MIA3: variants seen among roughly 807,000 people sequenced by gnomAD.
The protein encoded by MIA3 is transport and Golgi organization protein 1 homolog.
MIA3 carries 90 observed loss-of-function variants against 192.4 expected under a neutral mutation model. The observed-to-expected ratio is 0.47, with a 90% CI of 0.39 to 0.56. The LOEUF (loss-of-function observed/expected upper bound fraction) is 0.56. Among genes scored for constraint, MIA3 ranks in the 20% least tolerant of loss-of-function variants. The probability of loss-of-function intolerance (pLI) is 0.00; values close to 1 mark genes in which losing one functional copy is unlikely to be tolerated. For synonymous variants in MIA3, 740 were observed against 792.8 expected (o/e 0.93, Z 1.12); for missense variants, 2,123 against 2,269.4 (o/e 0.94, Z 1.31).
Position 222,652,048 on chromosome 1 carries a change from G to A in MIA3, c.3981G>A (p.Glu1327=). 2 of 1,545,748 alleles carry A rather than the reference G, an allele frequency of 1.3e-6. No homozygotes were observed. The highest frequency in any genetic ancestry group is 1.8e-6 in the Non-Finnish European group (2 of 1,118,200). Residue 1327 remains glutamate (E), a splice_region_variant and synonymous_variant, in exon 12 of 28, where the codon GAG becomes GAA. Coordinates refer to ENST00000344922, the MANE Select transcript of MIA3 (RefSeq NM_198551.4). ...VISMNASEFS[E]VQIALNEAKL... ...CAATGAATGCCTCAGAATTTTCAGA[G>A]GTAAAGCTGACTGTAATTCCTGCAG...
In MIA3 at chr1:222,654,702, A is replaced by G. The variant is rs1663621013; in HGVS notation, c.4516A>G (p.Lys1506Glu). 8.1e-6 allele frequency: 13 copies of G among 1,614,174 alleles called. No individual in the cohort carries two copies. The highest frequency in any genetic ancestry group is 1.0e-5 in the Non-Finnish European group (12 of 1,180,006). Residue 1506 changes from lysine to glutamate, a missense_variant, in exon 18 of 28, where the codon AAA (lysine) becomes GAA (glutamate). By Grantham distance (56) the Lys-to-Glu change is moderately conservative (BLOSUM62 1). This residue lies in a region of MIA3 where 762 missense variants were observed against 856.4 expected (regional missense o/e 0.89). Transcript: ENST00000344922. ...TGACCGCAACTCACTACAAGCTGCC[A>G]AAGCTGGACTGGAAGATGAATGCAA... ...EDDRNSLQAAKAGLEDECKTL... is the reference protein window; with the variant it reads ...EDDRNSLQAAEAGLEDECKTL...
intron 6 of MIA3, among the ~76,000 whole-genome samples, chr1:222,636,763 C>T (rs544836274): frequency 1.3e-5 from 2 of 152,102 alleles, no homozygotes; most frequent in South Asian, 2.1e-4. Flanking sequence ...CCACCGGCCT[C>T]GGCCTTCCAA....
rs753431063 is a variant in MIA3 at position 222,628,946 on chromosome 1, T to A, written c.1726T>A (p.Ser576Thr). The A allele has an allele frequency of 1.2e-6, 2 of 1,614,112 alleles. No individual in the cohort carries two copies. The highest frequency in any genetic ancestry group is 1.7e-6 in the Non-Finnish European group (2 of 1,180,012). The change falls in exon 4 of 28, where the codon TCC becomes ACC. Residue 576 changes from serine to threonine, a missense_variant. Transcript: ENST00000344922. ...QMNDRKIQQE[S>T]LGSAPLMGDD... ...GAATGACAGAAAGATTCAACAGGAA[T>A]CCCTGGGTAGTGCACCACTCATGGG...
intron 6 of MIA3, 101 bp from the exon 7 acceptor site, chr1:222,645,453 T>TA: frequency 9.6e-7 from 1 of 1,044,096 alleles, no homozygotes; most frequent in South Asian, 1.7e-5. Flanking sequence ...AGGTATCTGA[T>TA]AGAGTTGGTT....
rs377438329 is a variant in MIA3, at chr1:222,627,641, T to G, written c.421T>G (p.Leu141Val). The G allele has an allele frequency of 6.6e-5, 106 of 1,596,186 alleles. No homozygotes were observed. Among genetic ancestry groups the G allele is most frequent in the Middle Eastern group, 1.7e-4 (1 of 5,960 alleles). ...DFHNYNVEEL[L>V]GFLELYNSAA... ...TCATAATTATAATGTAGAAGAACTTTTAGGGTTTTTGGAACTGTACAATTC... is the reference window on the plus strand; with the variant it reads ...TCATAATTATAATGTAGAAGAACTTGTAGGGTTTTTGGAACTGTACAATTC... The change falls in exon 4 of 28, where the codon TTA becomes GTA. Residue 141 changes from leucine to valine, a missense_variant. Physicochemically the swap from Leu to Val is conservative, Grantham distance 32 (BLOSUM62 1). Coordinates refer to ENST00000344922, the MANE Select transcript of MIA3 (RefSeq NM_198551.4).
intron 8 of MIA3, 24 bp from the exon 9 acceptor site, chr1:222,650,263 ATAACC>A (rs1194476399): frequency 7.7e-7 from 1 of 1,295,478 alleles, no homozygotes; most frequent in South Asian, 1.2e-5. Flanking sequence ...AGTGATCATA[ATAACC>A]TTATTATTTT....
At chr1:222,632,144 A>G in intron 4 of MIA3, 21 bp from the exon 5 acceptor site, 1 of 1,611,910 alleles carries the variant, frequency 6.2e-7, no homozygotes, top group South Asian at 1.1e-5. Flanking sequence ...GTGCTAGCCC[A>G]GTGTATTCTT....
chr1:222,664,140 C>T lies in MIA3; in HGVS notation c.5405C>T (p.Pro1802Leu). 6.2e-7 allele frequency: 1 copy of T among 1,614,166 alleles called. No individual in the cohort carries two copies. Among genetic ancestry groups the T allele is most frequent in the Non-Finnish European group, 8.5e-7 (1 of 1,180,000 alleles). The stretch of plus-strand genomic sequence containing the variant: ...CCTTTTGGGCCTCGGCCACTTCCTC[C>T]ACCCTTTGGTAAGATGATCTGAACA... ...CGPFGPRPLP[P>L]PFGPGMRPPL... Residue 1802 changes from proline (P) to leucine (L), a missense_variant, in exon 27 of 28, where the codon CCA becomes CTA. Physicochemically the swap from Pro to Leu is moderately conservative, Grantham distance 98. Around this residue, in one of 3 missense-constraint regions of MIA3, gnomAD observed 762 missense variants for 856.4 expected, o/e 0.89. Coordinates refer to ENST00000344922, the MANE Select transcript of MIA3 (RefSeq NM_198551.4).
intron 15 of MIA3, among the ~76,000 whole-genome samples, chr1:222,653,815 A>C (rs774794474): frequency 6.6e-6 from 1 of 152,188 alleles, no homozygotes; most frequent in Non-Finnish European, 1.5e-5. Context: ...AACTAAGGCC[A>C]TGAGAGTGGA....
At position 222,666,381 on chromosome 1, in the gene MIA3, CTGAGAG is replaced by C. The variant is rs1664288740; in HGVS notation, c.*767_*772del. 1 of 152,134 alleles carries C rather than the reference CTGAGAG, an allele frequency of 6.6e-6. No homozygotes were observed. Among genetic ancestry groups the C allele is most frequent in the Non-Finnish European group, 1.5e-5 (1 of 68,040 alleles). 9.4% of individuals were successfully genotyped at this position (152,134 alleles called of 1,614,324 possible). On this transcript the variant is annotated 3_prime_UTR_variant, in exon 28 of 28. Coordinates refer to ENST00000344922, the MANE Select transcript of MIA3 (RefSeq NM_198551.4). ...TCATTGTCTATTTGAGAATGGTTTT[CTGAGAG>C]TGAGTTTACATTAGTAGCAAGAGTT...
Position 222,667,621 on chromosome 1 carries a change from G to A in MIA3, c.*2002G>A, listed in dbSNP as rs1273229168. On this transcript the variant is annotated 3_prime_UTR_variant, in exon 28 of 28. Coordinates refer to ENST00000344922, the MANE Select transcript of MIA3 (RefSeq NM_198551.4). ...AGCTTCTCTGAGAAGTTGTGAGCCA[G>A]TCCATAACTGCTTCCTCACATCCAT... 4 of 152,270 alleles carry A rather than the reference G, an allele frequency of 2.6e-5. No homozygotes were observed. The highest frequency in any genetic ancestry group is 9.6e-5 in the African/African-American group (4 of 41,546). 9.4% of individuals were successfully genotyped at this position (152,270 alleles called of 1,614,324 possible). A position where few individuals can be genotyped will look rare whatever the true frequency, so the allele number is the denominator to read the frequency against.
At position 222,629,927 on chromosome 1, in the gene MIA3, T is replaced by C. The variant is rs775137125; in HGVS notation, c.2707T>C (p.Ser903Pro). The C allele has an allele frequency of 1.2e-6, 2 of 1,613,956 alleles. No individual in the cohort carries two copies. Among genetic ancestry groups the C allele is most frequent in the Non-Finnish European group, 1.7e-6 (2 of 1,180,030 alleles). Reference sequence around the variant, plus strand: ...TGCTGCTGCAGAACCTGAAGATGACTCGTTCCACTGGACTCCACATACAAG... The same window carrying C: ...TGCTGCTGCAGAACCTGAAGATGACCCGTTCCACTGGACTCCACATACAAG... Reference protein sequence around the residue: ...GSAAAEPEDDSFHWTPHTSVE... With the variant: ...GSAAAEPEDDPFHWTPHTSVE... Residue 903 changes from serine to proline, a missense_variant, in exon 4 of 28, where the codon TCG becomes CCG. Physicochemically the swap from Ser to Pro is moderately conservative, Grantham distance 74 (BLOSUM62 -1). This residue lies in a region of MIA3 where 1,357 missense variants were observed against 1,396.1 expected (regional missense o/e 0.97). Transcript: ENST00000344922.
chr1:222,647,860 T>C, intron 7 of MIA3: 1 of 356,212 alleles, frequency 2.8e-6, no homozygotes. Flanking sequence ...TGAATGCATA[T>C]TCCTATAACA....
At chr1:222,627,531 G>T in intron 3 of MIA3, 44 bp from the exon 4 acceptor site, 1 of 1,450,870 alleles carries the variant, frequency 6.9e-7, no homozygotes, top group Non-Finnish European at 9.3e-7. Context: ...TTGCTCTGGT[G>T]ACACTTGGCT....
chr1:222,644,412 G>A lies in MIA3; in HGVS notation c.3478-1142G>A, dbSNP rs1268066406. 3.9e-6 allele frequency: 6 copies of A among 1,544,088 alleles called. No individual in the cohort carries two copies. In the African/African-American group the frequency reaches 6.8e-5, roughly 18 times the overall value. On this transcript the variant is annotated intron_variant, in intron 6 of 27. Coordinates refer to ENST00000344922, the MANE Select transcript of MIA3 (RefSeq NM_198551.4). Reference sequence around the variant, plus strand: ...GGGCCTTTCCGGAGGAGGAAGCTCTGAAAAACAGGGGGCCCAGTGCCATTC... The same window carrying A: ...GGGCCTTTCCGGAGGAGGAAGCTCTAAAAAACAGGGGGCCCAGTGCCATTC...
intron 19 of MIA3, 165 bp downstream of exon 19, chr1:222,658,988 C>G (rs1663873298): frequency 1.8e-6 from 1 of 550,494 alleles, no homozygotes; most frequent in East Asian, 3.3e-5. Context: ...TTAACAAATA[C>G]CCAGTGCTGG....
rs1381295762 is a variant in MIA3 at position 222,667,803 on chromosome 1, A to C, written c.*2184A>C. ...TAATTGTGTCTGGATTTAGTTGCTA[A>C]AATTGTCTTATTTATGAAGCAGCAA... On this transcript the variant is annotated 3_prime_UTR_variant, in exon 28 of 28. Coordinates refer to ENST00000344922, the MANE Select transcript of MIA3 (RefSeq NM_198551.4). 6.9e-6 allele frequency: 1 copy of C among 144,022 alleles called. No homozygotes were observed. Among genetic ancestry groups the C allele is most frequent in the Non-Finnish European group, 1.5e-5 (1 of 66,404 alleles). The allele number at this position is 144,022 out of a possible 1,614,324, so 8.9% of individuals were successfully genotyped here. A position where few individuals can be genotyped will look rare whatever the true frequency, so the allele number is the denominator to read the frequency against.
intron 27 of MIA3, chr1:222,664,940 T>C: frequency 2.1e-6 from 1 of 469,528 alleles, no homozygotes. Context: ...ACTTTATGAA[T>C]CCCAGCATTC....
At chr1:222,653,192 G>A in intron 14 of MIA3, 36 bp from the exon 15 acceptor site, 1 of 1,595,912 alleles carries the variant, frequency 6.3e-7, no homozygotes, top group Non-Finnish European at 8.6e-7. Context: ...TGAATTAAAT[G>A]GAAAGACTCT....
Sources: allele counts gnomAD v4.1 joint callset (sites outside exome capture counted in the v4.1 genomes callset), GRCh38; gene constraint gnomAD v4.1.1; regional missense constraint gnomAD v4.1.1; transcripts MANE v1.5; gene names NCBI Gene and HGNC (gene_info 2026-07-23, HGNC 2026-07-21).